NECAP2: variants seen among roughly 807,000 people sequenced by gnomAD.
The protein encoded by NECAP2 is adaptin ear-binding coat-associated protein 2.
A neutral mutation model predicts 37.8 loss-of-function variants in NECAP2; 38 were observed. The ratio of observed to expected loss-of-function variants is 1.01; its 90% CI spans 0.78 to 1.32. The LOEUF is 1.32. Ranked by LOEUF, NECAP2 falls within the 40% of genes most tolerant of loss-of-function variation. The pLI, the probability that NECAP2 is intolerant of heterozygous loss-of-function variation, is 0.00. For missense variants in NECAP2, 316 were observed against 334.5 expected (o/e 0.94, Z 0.43); for synonymous variants, 121 against 127.7 (o/e 0.95, Z 0.35).
Position 16,452,008 on chromosome 1 carries a change from C to T in NECAP2, c.660C>T (p.Pro220=). 6.3e-7 allele frequency: 1 copy of T among 1,590,030 alleles called. No individual in the cohort carries two copies. The highest frequency in any genetic ancestry group is 8.6e-7 in the Non-Finnish European group (1 of 1,168,238). ...CCCTCGTCCAGCCAGCAGTTGCTCCCAGTTCAGGTTAGTGCTCAGTGGGTG... is the reference window on the plus strand; with the variant it reads ...CCCTCGTCCAGCCAGCAGTTGCTCCTAGTTCAGGTTAGTGCTCAGTGGGTG... ...GGSLVQPAVA[P]SSGGAPVPWP... is the part of the protein sequence containing the mutation. Residue 220 remains proline (P), a synonymous_variant, in exon 6 of 8, where the codon CCC becomes CCT. Transcript: ENST00000337132.
At chr1:16,446,797 C>G (rs1374592700) in intron 2 of NECAP2, among the ~76,000 whole-genome samples, 1 of 152,068 alleles carries the variant, frequency 6.6e-6, no homozygotes, top group Admixed American at 6.6e-5. Context: ...CAGTGGCTCA[C>G]GCCTGTAATC....
chr1:16,447,737 C>T, intron 2 of NECAP2, 133 bp from the exon 3 acceptor site: 1 of 695,122 alleles, frequency 1.4e-6, no homozygotes, highest in East Asian at 2.6e-5. Context: ...CGATTTGAAT[C>T]CCACAGTAAG....
In NECAP2 at chr1:16,449,186, C is replaced by T; in HGVS notation, c.474C>T (p.Ile158=). 1 of 1,611,314 alleles carries T rather than the reference C, an allele frequency of 6.2e-7. No homozygotes were observed. Among genetic ancestry groups the T allele is most frequent in the East Asian group, 2.2e-5 (1 of 44,840 alleles). Residue 158 remains isoleucine, a synonymous_variant, in exon 5 of 8, where the codon ATC becomes ATT. Transcript: ENST00000337132. ...LDLGFKEGQT[I]KLNIANMKKK... is the part of the protein sequence containing the mutation. Reference sequence around the variant, plus strand: ...TGGGCTTCAAGGAGGGCCAGACCATCAAGCTCAACATCGCAGTGAGTTCTA... The same window carrying T: ...TGGGCTTCAAGGAGGGCCAGACCATTAAGCTCAACATCGCAGTGAGTTCTA...
chr1:16,457,231 G>A (rs1175474993), intron 7 of NECAP2, among the ~76,000 whole-genome samples: 3 of 152,084 alleles, frequency 2.0e-5, no homozygotes, highest in East Asian at 3.9e-4. Context: ...CCAGGCAGGC[G>A]GATCACCTGA....
At chr1:16,440,906 A>G in intron 1 of NECAP2, 53 bp downstream of exon 1, 4 of 1,473,316 alleles carry the variant, frequency 2.7e-6, no homozygotes, top group Non-Finnish European at 3.8e-6. Flanking sequence ...TTTCTCCGCC[A>G]CCCGGACACA....
chr1:16,459,835 A>G lies in NECAP2; in HGVS notation c.*945A>G, dbSNP rs970102719. ...TTCTAAAGTGCCTTATCTGCAAACA[A>G]CTTCTTTTCTCCTTCAGGAACTGTG... On this transcript the variant is annotated 3_prime_UTR_variant, in exon 8 of 8. Coordinates refer to ENST00000337132, the MANE Select transcript of NECAP2 (RefSeq NM_018090.5). The G allele has an allele frequency of 6.6e-6, 1 of 152,156 alleles. No homozygotes were observed. Among genetic ancestry groups the G allele is most frequent in the African/African-American group, 2.4e-5 (1 of 41,434 alleles). 9.4% of individuals were successfully genotyped at this position (152,156 alleles called of 1,614,324 possible).
In NECAP2 at chr1:16,459,359, G is replaced by A. The variant is rs2086978325; in HGVS notation, c.*469G>A. 6.3e-6 allele frequency: 1 copy of A among 159,052 alleles called. No homozygotes were observed. Among genetic ancestry groups the A allele is most frequent in the African/African-American group, 2.4e-5 (1 of 41,664 alleles). 9.9% of individuals were successfully genotyped at this position (159,052 alleles called of 1,614,324 possible). A position where few individuals can be genotyped will look rare whatever the true frequency, so the allele number is the denominator to read the frequency against. ...CAGTCCATCTGCCCTCCAGAGGAGG[G>A]GTTTCTTCCTGATTTTTAGCAGGTT... On this transcript the variant is annotated 3_prime_UTR_variant, in exon 8 of 8. Transcript: ENST00000337132.
chr1:16,443,769 G>A (rs372248135), intron 2 of NECAP2, 37 bp downstream of exon 2: 115 of 1,507,568 alleles, frequency 7.6e-5, no homozygotes, highest in Admixed American at 2.0e-4. Flanking sequence ...CTGAGGGGCC[G>A]CACCCCACTT....
rs912598167 is a variant in NECAP2, at chr1:16,459,352, G to T, written c.*462G>T. On this transcript the variant is annotated 3_prime_UTR_variant, in exon 8 of 8. Transcript: ENST00000337132. ...GCCACTTCAGTCCATCTGCCCTCCAGAGGAGGGGTTTCTTCCTGATTTTTA... is the reference window on the plus strand; with the variant it reads ...GCCACTTCAGTCCATCTGCCCTCCATAGGAGGGGTTTCTTCCTGATTTTTA... 6.2e-6 allele frequency: 1 copy of T among 160,726 alleles called. No individual in the cohort carries two copies. Among genetic ancestry groups the T allele is most frequent in the Admixed American group, 6.4e-5 (1 of 15,610 alleles). The allele number at this position is 160,726 out of a possible 1,614,324, so 10.0% of individuals were successfully genotyped here.
chr1:16,443,876 C>G (rs575828225), intron 2 of NECAP2, 144 bp downstream of exon 2: 5 of 647,888 alleles, frequency 7.7e-6, no homozygotes, highest in Non-Finnish European at 1.1e-5. Context: ...TTAAGCTGTA[C>G]CATTCCCCCA....
Position 16,448,040 on chromosome 1 carries a change from G to C in NECAP2, c.299-20G>C. ...TTTCTCTGCCTTTGGAAGGTGGGTT[G>C]ATCATGTGTTGTTCCCCAGGGCGAC... On this transcript the variant is annotated intron_variant, in intron 3 of 7. Coordinates refer to ENST00000337132, the MANE Select transcript of NECAP2 (RefSeq NM_018090.5). 1 of 1,614,188 alleles carries C rather than the reference G, an allele frequency of 6.2e-7. No individual in the cohort carries two copies. Among genetic ancestry groups the C allele is most frequent in the Non-Finnish European group, 8.5e-7 (1 of 1,179,992 alleles).
intron 1 of NECAP2, chr1:16,441,761 G>C (rs1049905113): frequency 6.6e-6 from 1 of 152,096 alleles, no homozygotes; most frequent in Non-Finnish European, 1.5e-5. Flanking sequence ...ATGATGGAAC[G>C]TCCACATTTC....
At chr1:16,458,568 G>A (rs1350693970) in intron 7 of NECAP2, among the ~76,000 whole-genome samples, 1 of 151,514 alleles carries the variant, frequency 6.6e-6, no homozygotes, top group Non-Finnish European at 1.5e-5. Flanking sequence ...TCCAGCCTGG[G>A]CGACAGTGAG....
chr1:16,454,375 A>G lies in NECAP2; in HGVS notation c.668-1443A>G, dbSNP rs573462162. 2.3e-5 allele frequency among the ~76,000 whole-genome samples: 3 copies of G among 127,716 alleles called. No homozygotes were observed. In the South Asian group the frequency reaches 7.4e-4, roughly 31 times the overall value. The allele number at this position is 127,716 out of a possible 152,430, so 83.8% of individuals were successfully genotyped here. A position where few individuals can be genotyped will look rare whatever the true frequency, so the allele number is the denominator to read the frequency against. On this transcript the variant is annotated intron_variant, in intron 6 of 7. Transcript: ENST00000337132. ...CACCTCGCCTACTTATTTATTTTTA[A>G]GAAGGAGTCTCACTCTGTTGCCCAG... is the stretch of plus-strand genomic sequence containing the variant.
intron 6 of NECAP2, among the ~76,000 whole-genome samples, chr1:16,453,245 G>T (rs1419940777): frequency 6.6e-6 from 1 of 151,740 alleles, no homozygotes; most frequent in Non-Finnish European, 1.5e-5. Context: ...GAGTAGCTGG[G>T]ATTACAGGCA....
intron 4 of NECAP2, 51 bp from the exon 5 acceptor site, chr1:16,449,041 AG>A: frequency 8.2e-7 from 1 of 1,220,404 alleles, no homozygotes; most frequent in Non-Finnish European, 1.2e-6. Context: ...CAGTGATTGC[AG>A]GGCAGCTGGT....
chr1:16,458,450 C>CAA (rs2086960492), intron 7 of NECAP2, among the ~76,000 whole-genome samples: 1 of 151,866 alleles, frequency 6.6e-6, no homozygotes, highest in Admixed American at 6.6e-5. Flanking sequence ...AAAAGAAATA[C>CAA]AAAAATTAAC....
chr1:16,442,610 T>C (rs76339008), intron 1 of NECAP2, among the ~76,000 whole-genome samples: 28 of 152,332 alleles, frequency 1.8e-4, no homozygotes, highest in African/African-American at 6.5e-4. Context: ...TTCTTAGAAC[T>C]AAAATGTGAA....
rs1557695076 is a variant in NECAP2 at position 16,459,205 on chromosome 1, GC to G, written c.*321del. On this transcript the variant is annotated 3_prime_UTR_variant, in exon 8 of 8. Coordinates refer to ENST00000337132, the MANE Select transcript of NECAP2 (RefSeq NM_018090.5). ...TCGCAATGACCTGTATTAAACACAA[GC>G]CCCCCAAGCAAAAGAAGAGGTTGAG... The G allele has an allele frequency of 2.4e-6, 1 of 413,496 alleles. No individual in the cohort carries two copies. Among genetic ancestry groups the G allele is most frequent in the Non-Finnish European group, 4.3e-6 (1 of 235,144 alleles). 25.6% of individuals were successfully genotyped at this position (413,496 alleles called of 1,614,324 possible). A position where few individuals can be genotyped will look rare whatever the true frequency, so the allele number is the denominator to read the frequency against.
Sources: allele counts gnomAD v4.1 joint callset (sites outside exome capture counted in the v4.1 genomes callset), GRCh38; gene constraint gnomAD v4.1.1; transcripts MANE v1.5; gene names NCBI Gene and HGNC (gene_info 2026-07-23, HGNC 2026-07-21).